PPP4R3A: variants seen among roughly 807,000 people sequenced by gnomAD.
The protein encoded by PPP4R3A is serine/threonine-protein phosphatase 4 regulatory subunit 3A.
In PPP4R3A, 15 loss-of-function variants were observed where a neutral mutation model predicts 91.7. That is an observed-to-expected ratio of 0.16 (90% confidence interval 0.11 to 0.25). PPP4R3A has a LOEUF of 0.25. Ranked by LOEUF, PPP4R3A falls within the 10% of genes least tolerant of loss-of-function variation. PPP4R3A has a pLI of 1.00. For synonymous variants in PPP4R3A, 377 were observed against 348.7 expected (o/e 1.08, Z -0.91); for missense variants, 623 against 998.4 (o/e 0.62, Z 5.07).
chr14:91,503,167 T>C (rs2140163774), intron 1 of PPP4R3A, among the ~76,000 whole-genome samples: 2 of 152,318 alleles, frequency 1.3e-5, no homozygotes, highest in South Asian at 4.1e-4. Context: ...TCTAAACTTT[T>C]TGTGGAGACA....
chr14:91,475,127 T>C (rs1456242169), intron 7 of PPP4R3A: 1 of 152,062 alleles, frequency 6.6e-6, no homozygotes, highest in African/African-American at 2.4e-5. Flanking sequence ...CAGGTCCTTC[T>C]TACTCATTCT....
At chr14:91,486,250 GT>G (rs71461940) in intron 2 of PPP4R3A, among the ~76,000 whole-genome samples, 5 of 82,158 alleles carry the variant, frequency 6.1e-5, no homozygotes, top group African/African-American at 2.1e-4. Flanking sequence ...AGGTTTTTTT[GT>G]TTTTTTTTTT....
intron 3 of PPP4R3A, among the ~76,000 whole-genome samples, chr14:91,484,072 T>TGGGATAACACTACAAAAA (rs1666306912): frequency 6.6e-6 from 1 of 152,192 alleles, no homozygotes; most frequent in African/African-American, 2.4e-5. Context: ...TCTCTCTCTT[T>TGGGATAACACTACAAAAA]GGGATAACAC....
intron 3 of PPP4R3A, among the ~76,000 whole-genome samples, chr14:91,482,627 T>TC (rs1188774713): frequency 6.6e-6 from 1 of 152,138 alleles, no homozygotes; most frequent in Non-Finnish European, 1.5e-5. Flanking sequence ...ACCAAACTCT[T>TC]CAATATTTAA....
intron 1 of PPP4R3A, among the ~76,000 whole-genome samples, chr14:91,492,873 A>G (rs1470019419): frequency 3.3e-5 from 5 of 152,118 alleles, no homozygotes; most frequent in Non-Finnish European, 7.4e-5. Flanking sequence ...TTTACGCTCA[A>G]TTTTCAGGAT....
intron 1 of PPP4R3A, among the ~76,000 whole-genome samples, chr14:91,494,015 C>T (rs993472306): frequency 7.6e-5 from 11 of 144,748 alleles, no homozygotes; most frequent in Admixed American, 3.3e-4. Context: ...CTGCCCGCCT[C>T]GGCAGGCAGG....
chr14:91,475,713 T>C, intron 7 of PPP4R3A, 98 bp downstream of exon 7: 5 of 1,246,930 alleles, frequency 4.0e-6, no homozygotes, highest in East Asian at 2.6e-5. Flanking sequence ...TGGCTACACT[T>C]TTCCCAAACA....
At chr14:91,490,379 C>G (rs1230777691) in intron 2 of PPP4R3A, among the ~76,000 whole-genome samples, 6 of 152,120 alleles carry the variant, frequency 3.9e-5, no homozygotes, top group Admixed American at 3.9e-4. Flanking sequence ...CACAGTACTG[C>G]TGTAGAGGGA....
chr14:91,473,244 C>A lies in PPP4R3A; in HGVS notation c.1393G>T (p.Ala465Ser). 6.2e-7 allele frequency: 1 copy of A among 1,613,222 alleles called. No homozygotes were observed. Among genetic ancestry groups the A allele is most frequent in the Non-Finnish European group, 8.5e-7 (1 of 1,179,634 alleles). Residue 465 changes from alanine (A) to serine (S), a missense_variant, in exon 8 of 15, where the codon GCC becomes TCC. Ala to Ser is a moderately conservative substitution (Grantham distance 99, BLOSUM62 1). Around this residue, in one of 5 missense-constraint regions of PPP4R3A, gnomAD observed 87 missense variants for 233.9 expected, o/e 0.37. Coordinates refer to ENST00000554943, the MANE Select transcript of PPP4R3A (RefSeq NM_001366432.2). ...LVDPENMLATANKTEKTEFLG... is the reference protein window; with the variant it reads ...LVDPENMLATSNKTEKTEFLG... ...GGGAAATGCTCATGGCTTACATTGG[C>A]AGTGGCTAGCATGTTCTCTGGGTCA... is the stretch of plus-strand genomic sequence containing the variant.
intron 1 of PPP4R3A, among the ~76,000 whole-genome samples, chr14:91,496,264 C>G (rs1027188279): frequency 1.3e-5 from 2 of 152,134 alleles, no homozygotes; most frequent in East Asian, 1.9e-4. Flanking sequence ...AAATTGAATA[C>G]TTATGATTTG....
At chr14:91,461,931 A>C in intron 13 of PPP4R3A, 118 bp downstream of exon 13, 1 of 1,386,756 alleles carries the variant, frequency 7.2e-7, no homozygotes, top group South Asian at 1.7e-5. Context: ...AAAGCAATAG[A>C]GTCTTTAAAC....
intron 3 of PPP4R3A, among the ~76,000 whole-genome samples, chr14:91,483,290 G>A (rs1167295386): frequency 1.3e-5 from 2 of 152,166 alleles, no homozygotes; most frequent in Non-Finnish European, 2.9e-5. Flanking sequence ...ATTGCTTAGC[G>A]TAATGAACAG....
At chr14:91,463,043 C>T (rs1025354824) in intron 11 of PPP4R3A, among the ~76,000 whole-genome samples, 166 bp from the exon 12 acceptor site, 1 of 151,948 alleles carries the variant, frequency 6.6e-6, no homozygotes, top group Non-Finnish European at 1.5e-5. Flanking sequence ...ACACTGGCTA[C>T]TATAGTAGTC....
At position 91,504,337 on chromosome 14, in the gene PPP4R3A, A is replaced by G. The variant is rs575344381; in HGVS notation, c.142+5169T>C. ...AGCTCTTAAAAATTAAAAAAAAAAA[A>G]AAAAGAAAAGAAAAGAAAAGAAAAA... On this transcript the variant is annotated intron_variant, in intron 1 of 14. Transcript: ENST00000554943. Among the ~76,000 whole-genome samples, 264 of 150,556 alleles carry G rather than the reference A, an allele frequency of 1.8e-3. 1 individual carries two copies. The highest frequency in any genetic ancestry group is 5.5e-3 in the African/African-American group (226 of 40,882).
intron 10 of PPP4R3A, among the ~76,000 whole-genome samples, chr14:91,468,110 G>A (rs1158319956): frequency 6.6e-6 from 1 of 152,122 alleles, no homozygotes; most frequent in Non-Finnish European, 1.5e-5. Flanking sequence ...CCTGGGAAGA[G>A]AGGTACACCA....
At chr14:91,463,178 G>A (rs946726969) in intron 11 of PPP4R3A, among the ~76,000 whole-genome samples, 4 of 151,936 alleles carry the variant, frequency 2.6e-5, no homozygotes, top group African/African-American at 9.7e-5. Flanking sequence ...CGATTCTCCT[G>A]GCTCAGCCTC....
At chr14:91,493,524 T>A (rs1890354889) in intron 1 of PPP4R3A, among the ~76,000 whole-genome samples, 1 of 150,156 alleles carries the variant, frequency 6.7e-6, no homozygotes, top group African/African-American at 2.5e-5. Flanking sequence ...CAAGGTGCAG[T>A]GGCTCATGCC....
chr14:91,508,460 T>C (rs1287912676), intron 1 of PPP4R3A, among the ~76,000 whole-genome samples: 2 of 152,190 alleles, frequency 1.3e-5, no homozygotes, highest in Non-Finnish European at 2.9e-5. Flanking sequence ...TAAACTGGCA[T>C]CGTTAGCAAC....
In PPP4R3A at chr14:91,482,198, GA is replaced by G. The variant is rs763092928; in HGVS notation, c.298-6del. 3 of 1,567,686 alleles carry G rather than the reference GA, an allele frequency of 1.9e-6. No homozygotes were observed. The highest frequency in any genetic ancestry group is 1.2e-5 in the South Asian group (1 of 84,622). On this transcript the variant is annotated splice_polypyrimidine_tract_variant and splice_region_variant and intron_variant, in intron 3 of 14. Transcript: ENST00000554943. ...GGAAGGGTCCTTTCCTTGAACCTAT[GA>G]AAAAAAATTTAATTGCTGACAAAAT...
Sources: gnomAD v4.1 joint callset for allele counts (sites outside exome capture counted in the v4.1 genomes callset) on GRCh38, gnomAD v4.1.1 for gene constraint, gnomAD v4.1.1 regional missense constraint, MANE v1.5 for transcripts, NCBI Gene and HGNC (gene_info 2026-07-23, HGNC 2026-07-21) for gene names.